GLIS3: variants seen among roughly 807,000 people sequenced by gnomAD.
GLIS3 encodes zinc finger protein GLIS3.
A neutral mutation model predicts 78.6 loss-of-function variants in GLIS3; 53 were observed. The ratio of observed to expected loss-of-function variants is 0.67; its 90% confidence interval spans 0.54 to 0.85. The LOEUF is 0.85. Ranked by LOEUF, GLIS3 falls within the 40% of genes least tolerant of loss-of-function variation. GLIS3 has a pLI of 0.00. For missense variants in GLIS3, 1,703 were observed against 1,231.1 expected (o/e 1.38, Z -5.74); for synonymous variants, 684 against 509.9 (o/e 1.34, Z -4.60).
chr9:3,930,750 A>G (rs1333260050), intron 6 of GLIS3, among the ~76,000 whole-genome samples: 2 of 152,232 alleles, frequency 1.3e-5, no homozygotes, highest in African/African-American at 4.8e-5. Context: ...TAGATTTACT[A>G]TTACAATAAA....
intron 8 of GLIS3, among the ~76,000 whole-genome samples, chr9:3,878,102 C>G (rs889990827): frequency 2.0e-5 from 3 of 152,150 alleles, no homozygotes; most frequent in Non-Finnish European, 2.9e-5. Context: ...TGGATATGTT[C>G]TTCTTGCTGC....
intron 4 of GLIS3, among the ~76,000 whole-genome samples, chr9:4,060,201 C>G (rs1826528527): frequency 6.6e-6 from 1 of 152,182 alleles, no homozygotes; most frequent in Non-Finnish European, 1.5e-5. Flanking sequence ...CCATATCTCA[C>G]TTCATACTAC....
intron 2 of GLIS3, among the ~76,000 whole-genome samples, chr9:4,331,530 G>A (rs1372802314): frequency 6.6e-6 from 1 of 152,102 alleles, no homozygotes; most frequent in Non-Finnish European, 1.5e-5. Flanking sequence ...ACACTGATTG[G>A]TCCGTTGAAG....
At chr9:3,845,114 T>C (rs187518667) in intron 9 of GLIS3, among the ~76,000 whole-genome samples, 1 of 152,176 alleles carries the variant, frequency 6.6e-6, no homozygotes, top group East Asian at 1.9e-4. Flanking sequence ...AACATGCATA[T>C]ATATATGAAG....
intron 4 of GLIS3, among the ~76,000 whole-genome samples, chr9:4,003,008 T>C (rs1821241765): frequency 6.6e-6 from 1 of 152,220 alleles, no homozygotes; most frequent in Admixed American, 6.5e-5. Context: ...AGAACAATAT[T>C]TGTTTAATCC....
rs1289146986 is a variant in GLIS3 at position 3,827,969 on chromosome 9, C to T, written c.*303G>A. 4 of 428,394 alleles carry T rather than the reference C, an allele frequency of 9.3e-6. No individual in the cohort carries two copies. In the East Asian group the frequency reaches 1.5e-4, roughly 16 times the overall value. 26.5% of individuals were successfully genotyped at this position (428,394 alleles called of 1,614,324 possible). A position where few individuals can be genotyped will look rare whatever the true frequency, so the allele number is the denominator to read the frequency against. ...ATATGCACATCATTTCACTGGGGTC[C>T]TTTAAGGGTTGACAGCCAGGAAGTA... is the stretch of plus-strand genomic sequence containing the variant. On this transcript the variant is annotated 3_prime_UTR_variant, in exon 11 of 11. Coordinates refer to ENST00000381971, the MANE Select transcript of GLIS3 (RefSeq NM_001042413.2).
At chr9:4,115,477 A>C (rs1831568346) in intron 4 of GLIS3, among the ~76,000 whole-genome samples, 1 of 152,166 alleles carries the variant, frequency 6.6e-6, no homozygotes, top group Non-Finnish European at 1.5e-5. Flanking sequence ...CCAAGACTAT[A>C]AATATGTGTT....
intron 2 of GLIS3, among the ~76,000 whole-genome samples, chr9:4,157,692 C>T (rs1316752314): frequency 1.3e-5 from 2 of 152,128 alleles, no homozygotes; most frequent in Non-Finnish European, 2.9e-5. Flanking sequence ...TTATTTCCTC[C>T]TTTAGTGCAT....
intron 4 of GLIS3, among the ~76,000 whole-genome samples, chr9:4,045,961 A>G (rs1197435392): frequency 6.6e-6 from 1 of 152,204 alleles, no homozygotes; most frequent in African/African-American, 2.4e-5. Flanking sequence ...GGGGGAAATC[A>G]TAAATGGTTT....
chr9:4,356,014 C>A, the GLIS3 span, among the ~76,000 whole-genome samples: 6 of 152,112 alleles, frequency 3.9e-5, no homozygotes, highest in Non-Finnish European at 7.3e-5. Context: ...AATTATACAT[C>A]AGTAAAATTA....
chr9:4,098,338 A>G (rs569862397), intron 4 of GLIS3, among the ~76,000 whole-genome samples: 2 of 152,346 alleles, frequency 1.3e-5, no homozygotes, highest in Admixed American at 6.5e-5. Context: ...CACAAGAATT[A>G]CTAATGGGGG....
the GLIS3 span, among the ~76,000 whole-genome samples, chr9:4,433,137 C>G: frequency 5.3e-5 from 8 of 152,168 alleles, no homozygotes; most frequent in African/African-American, 1.2e-4. Flanking sequence ...TTATCATGAT[C>G]TTAATCTAAA....
chr9:4,280,548 A>T (rs1308749484), intron 2 of GLIS3, among the ~76,000 whole-genome samples: 4 of 152,226 alleles, frequency 2.6e-5, no homozygotes, highest in Non-Finnish European at 5.9e-5. Flanking sequence ...AACACAAAAC[A>T]GCAGAAGGCC....
At chr9:3,917,767 C>A (rs1824618861) in intron 6 of GLIS3, among the ~76,000 whole-genome samples, 1 of 152,184 alleles carries the variant, frequency 6.6e-6, no homozygotes, top group South Asian at 2.1e-4. Flanking sequence ...ATTGAAACCA[C>A]CGTTCCTGTA....
chr9:3,961,854 C>T (rs192775293), intron 4 of GLIS3, among the ~76,000 whole-genome samples: 2 of 152,124 alleles, frequency 1.3e-5, no homozygotes, highest in Admixed American at 1.3e-4. Flanking sequence ...ACCAATGAAA[C>T]CTTCAAGAAA....
chr9:3,857,926 C>T (rs141667005), intron 8 of GLIS3, among the ~76,000 whole-genome samples: 150 of 152,112 alleles, frequency 9.9e-4, no homozygotes, highest in African/African-American at 3.4e-3. Context: ...TGTGGGAGAG[C>T]GATGAGCAAT....
At chr9:4,287,612 G>A (rs896961067) in intron 1 of GLIS3, among the ~76,000 whole-genome samples, 6 of 152,188 alleles carry the variant, frequency 3.9e-5, no homozygotes, top group African/African-American at 1.4e-4. Flanking sequence ...AGGAAATAAG[G>A]ACTGAGTACA....
chr9:4,350,286 G>C (rs1372093112), upstream of GLIS3, among the ~76,000 whole-genome samples: 1 of 152,220 alleles, frequency 6.6e-6, no homozygotes, highest in Non-Finnish European at 1.5e-5. Context: ...GCGGAAATGT[G>C]AGGAACTGGG....
chr9:4,357,564 T>A, the GLIS3 span, among the ~76,000 whole-genome samples: 31 of 92,098 alleles, frequency 3.4e-4, 1 homozygote, highest in East Asian at 7.8e-3. Flanking sequence ...CTAATTCCTG[T>A]GTGTGTGTGT....
Sources: allele counts gnomAD v4.1 joint callset (sites outside exome capture counted in the v4.1 genomes callset), GRCh38; gene constraint gnomAD v4.1.1; transcripts MANE v1.5; gene names NCBI Gene and HGNC (gene_info 2026-07-23, HGNC 2026-07-21).